The following CNTN1 variants were observed in gnomAD, a reference collection of about 807,000 sequenced individuals.
CNTN1 encodes the protein contactin 1, also known as contactin-1.
A neutral mutation model predicts 126.4 loss-of-function variants in CNTN1; 38 were observed. The observed-to-expected ratio is 0.30, with a 90% CI of 0.23 to 0.39. CNTN1 has a LOEUF of 0.39. Ranked by LOEUF, CNTN1 falls within the 10% of genes least tolerant of loss-of-function variation. The pLI, the probability that CNTN1 is intolerant of heterozygous loss-of-function variation, is 1.00. For missense variants in CNTN1, 1,009 were observed against 1,248.4 expected, an observed-to-expected ratio of 0.81 and a Z score of 2.89; for synonymous variants, 413 against 422.6, an observed-to-expected ratio of 0.98 and a Z score of 0.28.
intron 1 of CNTN1, among the ~76,000 whole-genome samples, chr12:40,826,535 T>C (rs1442019166): frequency 6.6e-6 from 1 of 152,194 alleles, no homozygotes; most frequent in Admixed American, 6.6e-5. Context: ...TGGAATGTTT[T>C]AGCATCTTTA....
intron 1 of CNTN1, among the ~76,000 whole-genome samples, chr12:40,738,493 TA>T (rs993025347): frequency 6.6e-6 from 1 of 152,052 alleles, no homozygotes; most frequent in African/African-American, 2.4e-5. Context: ...AGGGAAAGAT[TA>T]AAAATGTAAA....
intron 11 of CNTN1, among the ~76,000 whole-genome samples, chr12:40,938,849 A>G (rs1021986913): frequency 6.6e-6 from 1 of 152,128 alleles, no homozygotes; most frequent in Non-Finnish European, 1.5e-5. Context: ...ATCACGCTTC[A>G]CTGCAGCCTT....
intron 10 of CNTN1, among the ~76,000 whole-genome samples, 172 bp from the exon 11 acceptor site, chr12:40,937,398 T>G (rs773507359): frequency 1.7e-4 from 26 of 152,142 alleles, no homozygotes; most frequent in Non-Finnish European, 3.1e-4. Context: ...TTGGGCATGG[T>G]AAGTGGGTTT....
chr12:40,881,352 G>A (rs527465912), intron 1 of CNTN1, among the ~76,000 whole-genome samples: 1 of 151,920 alleles, frequency 6.6e-6, no homozygotes, highest in South Asian at 2.1e-4. Context: ...TGATATTCAT[G>A]TGCAAAATTT....
In CNTN1 at chr12:40,737,847, T is replaced by G. The variant is rs561575033; in HGVS notation, c.-77+45255T>G. ...TAGACAATAGAACTTGAAACAAAGA[T>G]CAAAATAAAAGACTAGCAACTAGAA... On this transcript the variant is annotated intron_variant, in intron 1 of 23. Coordinates refer to ENST00000551295, the MANE Select transcript of CNTN1 (RefSeq NM_001843.4). Among the ~76,000 whole-genome samples the G allele has an allele frequency of 6.6e-5, 10 of 152,002 alleles. No homozygotes were observed. The South Asian group carries it at 1.2e-3, about 19-fold the overall frequency.
chr12:40,768,791 A>G (rs1939224234), intron 1 of CNTN1, among the ~76,000 whole-genome samples: 4 of 152,230 alleles, frequency 2.6e-5, no homozygotes, highest in African/African-American at 9.6e-5. Flanking sequence ...CAGACAAGGA[A>G]GAGGAGTTTG....
chr12:40,787,181 A>G (rs1940055960), intron 1 of CNTN1, among the ~76,000 whole-genome samples: 1 of 152,134 alleles, frequency 6.6e-6, no homozygotes, highest in Non-Finnish European at 1.5e-5. Context: ...TAACCTCTCA[A>G]TTGTTTATCA....
chr12:40,895,625 A>G (rs1048858417), intron 1 of CNTN1, among the ~76,000 whole-genome samples: 1 of 152,154 alleles, frequency 6.6e-6, no homozygotes, highest in Non-Finnish European at 1.5e-5. Context: ...TTAAAATTCA[A>G]TCACCTCTTT....
intron 1 of CNTN1, among the ~76,000 whole-genome samples, chr12:40,726,875 C>T (rs926894363): frequency 1.3e-5 from 2 of 149,136 alleles, no homozygotes; most frequent in Non-Finnish European, 3.0e-5. Context: ...CTCTAAAATA[C>T]TTATGTTTAA....
chr12:41,009,245 A>G (rs1948585474), intron 17 of CNTN1, among the ~76,000 whole-genome samples: 1 of 152,196 alleles, frequency 6.6e-6, no homozygotes, highest in African/African-American at 2.4e-5. Flanking sequence ...TGGATGGTGG[A>G]ACCCTCTGAT....
chr12:41,053,467 A>ATC (rs1949734419), intron 23 of CNTN1, among the ~76,000 whole-genome samples: 1 of 124,006 alleles, frequency 8.1e-6, no homozygotes, highest in African/African-American at 2.9e-5. Flanking sequence ...ATATATATAT[A>ATC]TTTGCCAATA....
chr12:41,030,194 A>G (rs189017334), intron 23 of CNTN1, among the ~76,000 whole-genome samples: 171 of 152,172 alleles, frequency 1.1e-3, no homozygotes, highest in African/African-American at 3.9e-3. Flanking sequence ...AAAACTAAAA[A>G]AAAAGAAAAT....
chr12:40,900,820 T>C (rs1944575690), intron 1 of CNTN1, among the ~76,000 whole-genome samples: 1 of 152,200 alleles, frequency 6.6e-6, no homozygotes. Context: ...TGGCAAATAA[T>C]TGCTGCTTAA....
At chr12:40,775,209 T>C (rs919743529) in intron 1 of CNTN1, among the ~76,000 whole-genome samples, 3 of 151,460 alleles carry the variant, frequency 2.0e-5, no homozygotes, top group African/African-American at 7.2e-5. Flanking sequence ...GGAGAGATTT[T>C]AAAAATAACT....
At chr12:40,937,805 G>A (rs1946130918) in intron 11 of CNTN1, 118 bp downstream of exon 11, 3 of 744,078 alleles carry the variant, frequency 4.0e-6, no homozygotes, top group South Asian at 2.8e-5. Context: ...AACATATGTT[G>A]GTTGTTTACT....
intron 20 of CNTN1, among the ~76,000 whole-genome samples, chr12:41,022,809 G>C (rs1948950852): frequency 6.6e-6 from 1 of 152,158 alleles, no homozygotes; most frequent in African/African-American, 2.4e-5. Context: ...GTCATAATCA[G>C]ATTTTAATCT....
At chr12:40,874,099 TC>T (rs1943592651) in intron 1 of CNTN1, among the ~76,000 whole-genome samples, 1 of 152,126 alleles carries the variant, frequency 6.6e-6, no homozygotes, top group Admixed American at 6.6e-5. Flanking sequence ...TGGGTTCAAA[TC>T]CCAGCTCTAC....
chr12:40,822,778 T>C (rs1941493405), intron 1 of CNTN1, among the ~76,000 whole-genome samples: 1 of 152,170 alleles, frequency 6.6e-6, no homozygotes, highest in South Asian at 2.1e-4. Context: ...AACCAGGGGC[T>C]ACATGGACAG....
intron 1 of CNTN1, among the ~76,000 whole-genome samples, chr12:40,745,522 G>A (rs1396905964): frequency 6.6e-6 from 1 of 152,110 alleles, no homozygotes; most frequent in African/African-American, 2.4e-5. Context: ...TTAACAGAAA[G>A]AAAATGTCTG....
Sources: allele counts gnomAD v4.1 joint callset (sites outside exome capture counted in the v4.1 genomes callset), GRCh38; gene constraint gnomAD v4.1.1; transcripts MANE v1.5; gene names NCBI Gene and HGNC (gene_info 2026-07-23, HGNC 2026-07-21).